PIK3R5: variants seen among roughly 807,000 people sequenced by gnomAD.
PIK3R5 encodes the protein phosphoinositide-3-kinase regulatory subunit 5, also known as phosphoinositide 3-kinase regulatory subunit 5.
A neutral mutation model predicts 94.9 loss-of-function variants in PIK3R5; 32 were observed. The observed-to-expected ratio is 0.34, with a 90% confidence interval of 0.25 to 0.45. PIK3R5 has a LOEUF of 0.45. Ranked by LOEUF, PIK3R5 falls within the 20% of genes least tolerant of loss-of-function variation. The pLI is 1.00. For missense variants in PIK3R5, 853 were observed against 1,144.6 expected (o/e 0.75, Z 3.68); for synonymous variants, 443 against 479.4 (o/e 0.92, Z 0.99).
intron 5 of PIK3R5, among the ~76,000 whole-genome samples, chr17:8,902,070 AG>A (rs1312458972): frequency 1.4e-5 from 2 of 146,626 alleles, no homozygotes; most frequent in African/African-American, 2.7e-5. Context: ...CCAATTTGAT[AG>A]GGGGGGAAGA....
intron 1 of PIK3R5, among the ~76,000 whole-genome samples, chr17:8,914,395 C>A (rs2090591850): frequency 6.6e-6 from 1 of 152,120 alleles, no homozygotes; most frequent in Non-Finnish European, 1.5e-5. Flanking sequence ...TTGCTAAATC[C>A]TCTGCATTCT....
At chr17:8,899,737 C>A (rs2090234754) in intron 5 of PIK3R5, among the ~76,000 whole-genome samples, 1 of 152,084 alleles carries the variant, frequency 6.6e-6, no homozygotes, top group Non-Finnish European at 1.5e-5. Context: ...GGGCAGCAGG[C>A]CTGTTGAAAA....
At chr17:8,920,260 C>A (rs978133616) in intron 1 of PIK3R5, among the ~76,000 whole-genome samples, 1 of 152,178 alleles carries the variant, frequency 6.6e-6, no homozygotes, top group Non-Finnish European at 1.5e-5. Flanking sequence ...AAATAAAACA[C>A]CTCCTGCATG....
chr17:8,889,104 G>A lies in PIK3R5; in HGVS notation c.895+35C>T. On this transcript the variant is annotated intron_variant, in intron 9 of 18. Coordinates refer to ENST00000447110, the MANE Select transcript of PIK3R5 (RefSeq NM_001142633.3). The surrounding 1 kb of genome is among the most constrained non-coding windows in gnomAD (Gnocchi z 4.1). Reference sequence around the variant, plus strand: ...ACCAGAAACACAGCTCAGGCAGTGTGGGGCATGGGTGTCACCAGGGCCCCG... The same window carrying A: ...ACCAGAAACACAGCTCAGGCAGTGTAGGGCATGGGTGTCACCAGGGCCCCG... 6.3e-7 allele frequency: 1 copy of A among 1,593,066 alleles called. No individual in the cohort carries two copies. Among genetic ancestry groups the A allele is most frequent in the Non-Finnish European group, 8.6e-7 (1 of 1,165,752 alleles).
At chr17:8,930,219 A>G (rs2090963200) in intron 1 of PIK3R5, among the ~76,000 whole-genome samples, 1 of 152,232 alleles carries the variant, frequency 6.6e-6, no homozygotes, top group Admixed American at 6.5e-5. Flanking sequence ...CAATTACTTA[A>G]AAATAACTGA....
At chr17:8,898,812 C>CGGTGGTCGCCGTATCATTAAAAAATCTT in intron 5 of PIK3R5, among the ~76,000 whole-genome samples, 1 of 151,462 alleles carries the variant, frequency 6.6e-6, no homozygotes, top group East Asian at 1.9e-4. Flanking sequence ...GTGTAGGTCT[C>CGGTGGTCGCCGTATCATTAAAAAATCTT]TGTCATACAA....
intron 13 of PIK3R5, 36 bp downstream of exon 13, chr17:8,886,441 G>C (rs759929908): frequency 1.3e-6 from 2 of 1,599,110 alleles, no homozygotes; most frequent in Non-Finnish European, 1.7e-6. Flanking sequence ...GGCCCGGCAG[G>C]TGGGGAAGAG....
intron 14 of PIK3R5, 118 bp downstream of exon 14, chr17:8,886,110 TC>T: frequency 1.4e-6 from 1 of 693,232 alleles, no homozygotes; most frequent in Admixed American, 2.2e-5. Flanking sequence ...GGGGCCTACC[TC>T]CTGTGCAACC....
intron 1 of PIK3R5, among the ~76,000 whole-genome samples, chr17:8,949,471 C>A (rs2091335847): frequency 1.3e-5 from 2 of 152,152 alleles, no homozygotes; most frequent in Admixed American, 1.3e-4. Flanking sequence ...AAGGGAGCTG[C>A]TACCGATTAT....
chr17:8,945,164 G>C lies in PIK3R5; in HGVS notation c.-14+20432C>G, dbSNP rs1042668427. 2.6e-5 allele frequency among the ~76,000 whole-genome samples: 4 copies of C among 152,084 alleles called. No individual in the cohort carries two copies. Among genetic ancestry groups the C allele is most frequent in the Non-Finnish European group, 5.9e-5 (4 of 68,012 alleles). ...GGCCCCTCACCCCACTTCGAAGAGG[G>C]GATCTACATCCTCCCCAGCTGCAGG... On this transcript the variant is annotated intron_variant, in intron 1 of 18. Coordinates refer to ENST00000447110, the MANE Select transcript of PIK3R5 (RefSeq NM_001142633.3). The surrounding 1 kb of genome is among the most constrained non-coding windows in gnomAD (Gnocchi z 4.0).
In PIK3R5 at chr17:8,888,587, G is replaced by T; in HGVS notation, c.1200C>A (p.Ser400=). The T allele has an allele frequency of 6.2e-7, 1 of 1,612,100 alleles. No homozygotes were observed. The highest frequency in any genetic ancestry group is 8.5e-7 in the Non-Finnish European group (1 of 1,179,528). Residue 400 remains serine, a synonymous_variant, in exon 10 of 19, where the codon TCC becomes TCA. Transcript: ENST00000447110. The surrounding 1 kb of genome is among the most constrained non-coding windows in gnomAD (Gnocchi z 7.8). The part of the protein sequence containing the change: ...GYVEDSEESS[S]EWPWRRGSQE... Reference sequence around the variant, plus strand: ...GGCTGCCACGCCTCCAAGGCCACTCGGAGGAGCTCTCCTCGCTGTCCTCCA... The same window carrying T: ...GGCTGCCACGCCTCCAAGGCCACTCTGAGGAGCTCTCCTCGCTGTCCTCCA...
intron 1 of PIK3R5, among the ~76,000 whole-genome samples, chr17:8,963,901 A>G: frequency 6.6e-6 from 1 of 152,190 alleles, no homozygotes; most frequent in Non-Finnish European, 1.5e-5. Flanking sequence ...GTGAGGCTTC[A>G]AAAAGCAGGG....
At chr17:8,910,097 C>T (rs2090490614) in intron 2 of PIK3R5, among the ~76,000 whole-genome samples, 1 of 152,100 alleles carries the variant, frequency 6.6e-6, no homozygotes, top group African/African-American at 2.4e-5. Flanking sequence ...GGGTAAACCC[C>T]TAAAAATTAA....
chr17:8,942,513 G>T (rs1443365350), intron 1 of PIK3R5, among the ~76,000 whole-genome samples: 1 of 152,196 alleles, frequency 6.6e-6, no homozygotes. Context: ...TCAAAAGACA[G>T]TCTGCAGGAG....
At position 8,888,002 on chromosome 17, in the gene PIK3R5, AAATAATAATAATAAT is replaced by A. The variant is rs71135929; in HGVS notation, c.1616+154_1616+168del. 3.7e-3 allele frequency among the ~76,000 whole-genome samples: 481 copies of A among 129,506 alleles called. 1 individual carries two copies. The highest frequency in any genetic ancestry group is 0.012 in the African/African-American group (412 of 34,694). The allele number at this position is 129,506 out of a possible 152,430, so 85.0% of individuals were successfully genotyped here. A position where few individuals can be genotyped will look rare whatever the true frequency, so the allele number is the denominator to read the frequency against. Reference sequence around the variant, plus strand: ...GGCAACAGAGCAAGACTCTGTCTCAAAATAATAATAATAATAATAATAATAATAATAATAATAATA... The same window carrying A: ...GGCAACAGAGCAAGACTCTGTCTCAAAATAATAATAATAATAATAATAATA... On this transcript the variant is annotated intron_variant, in intron 10 of 18. Coordinates refer to ENST00000447110, the MANE Select transcript of PIK3R5 (RefSeq NM_001142633.3). This position sits in a 1 kb window ranked among gnomAD's most constrained non-coding sequence, Gnocchi z 7.8.
Position 8,888,325 on chromosome 17 carries a change from G to C in PIK3R5, c.1462C>G (p.Leu488Val), listed in dbSNP as rs780813441. The C allele has an allele frequency of 3.1e-6, 5 of 1,612,794 alleles. No homozygotes were observed. Among genetic ancestry groups the C allele is most frequent in the Non-Finnish European group, 4.2e-6 (5 of 1,179,740 alleles). ...GCAGGGGCCAGAAGCCAGCTGGGCA[G>C]CTGGGTACCGAGTTTGGGCTGGGGC... ...SLPQPKLGTQ[L>V]PSWLLAPASR... The change falls in exon 10 of 19, where the codon CTG (leucine) becomes GTG (valine). Residue 488 changes from leucine (L) to valine (V), a missense_variant. Leu to Val is a conservative substitution (Grantham distance 32). Coordinates refer to ENST00000447110, the MANE Select transcript of PIK3R5 (RefSeq NM_001142633.3). The surrounding 1 kb of genome is among the most constrained non-coding windows in gnomAD (Gnocchi z 7.8).
At chr17:8,913,421 G>C (rs778252391) in intron 1 of PIK3R5, among the ~76,000 whole-genome samples, 1 of 152,304 alleles carries the variant, frequency 6.6e-6, no homozygotes, top group East Asian at 1.9e-4. Flanking sequence ...AACTTTTCAC[G>C]GGTGGCTGGG....
chr17:8,907,012 T>G (rs1219986655), intron 3 of PIK3R5, among the ~76,000 whole-genome samples: 2 of 152,134 alleles, frequency 1.3e-5, no homozygotes, highest in Non-Finnish European at 2.9e-5. Context: ...CTGGTAGACC[T>G]CCATAACTTA....
rs745698776 is a variant in PIK3R5 at position 8,881,781 on chromosome 17, C to T, written c.2299+7G>A. The T allele has an allele frequency of 3.1e-6, 5 of 1,613,860 alleles. No homozygotes were observed. Among genetic ancestry groups the T allele is most frequent in the South Asian group, 1.1e-5 (1 of 91,080 alleles). ...ACTGCACACCCCACACTGACCACCC[C>T]ACTCACCCAGCTCCTCCTGCTTCCG... On this transcript the variant is annotated splice_region_variant and intron_variant, in intron 16 of 18. Coordinates refer to ENST00000447110, the MANE Select transcript of PIK3R5 (RefSeq NM_001142633.3). The surrounding 1 kb of genome is among the most constrained non-coding windows in gnomAD (Gnocchi z 4.8).
Sources: allele counts gnomAD v4.1 joint callset (sites outside exome capture counted in the v4.1 genomes callset), GRCh38; gene constraint gnomAD v4.1.1; non-coding constraint Gnocchi (gnomAD v3.1); transcripts MANE v1.5; gene names NCBI Gene and HGNC (gene_info 2026-07-23, HGNC 2026-07-21).